The following IFT46 variants were observed in gnomAD, a reference collection of about 807,000 sequenced individuals.
The protein encoded by IFT46 is intraflagellar transport protein 46 homolog.
Under a neutral mutation model 39.6 loss-of-function variants are expected in IFT46, and 19 were observed. That is an observed-to-expected ratio of 0.48 (90% CI 0.33 to 0.70). The LOEUF (loss-of-function observed/expected upper bound fraction) is 0.70. IFT46 is among the 30% of genes least tolerant of loss of function. The probability of loss-of-function intolerance (pLI) is 0.01; values close to 1 mark genes in which losing one functional copy is unlikely to be tolerated. For missense variants in IFT46, 334 were observed against 364.8 expected (o/e 0.92, Z 0.69); for synonymous variants, 117 against 134.8 (o/e 0.87, Z 0.91).
upstream of IFT46, among the ~76,000 whole-genome samples, chr11:118,567,509 G>A (rs1555071710): frequency 6.6e-6 from 1 of 152,116 alleles, no homozygotes; most frequent in Non-Finnish European, 1.5e-5. Context: ...CCGGGAGGTG[G>A]AGGTTGTGGT....
intron 3 of IFT46, chr11:118,557,837 G>A (rs1555069856): frequency 1.5e-5 from 25 of 1,613,998 alleles, no homozygotes; most frequent in Non-Finnish European, 2.0e-5. Context: ...GTGGAACAGG[G>A]TCCATGTCTT....
chr11:118,555,371 G>A, intron 4 of IFT46, 49 bp from the exon 5 acceptor site: 1 of 1,425,160 alleles, frequency 7.0e-7, no homozygotes, highest in Non-Finnish European at 9.9e-7. Context: ...AAGAGCAGAG[G>A]TGGCAGGGTC....
intron 2 of IFT46, among the ~76,000 whole-genome samples, chr11:118,562,620 G>A (rs782288213): frequency 4.6e-5 from 7 of 151,938 alleles, no homozygotes; most frequent in South Asian, 2.1e-4. Context: ...GCATAAACAC[G>A]CTCAAGTCAA....
chr11:118,576,426 T>TAAAAAAAA (rs10671866), upstream of IFT46, among the ~76,000 whole-genome samples: 18 of 108,738 alleles, frequency 1.7e-4, no homozygotes, highest in Non-Finnish European at 2.6e-4. Flanking sequence ...CCAAAAATGT[T>TAAAAAAAA]AAAAAAAAAA....
Position 118,545,853 on chromosome 11 carries a change from C to A in IFT46, c.673G>T (p.Val225Leu). Residue 225 changes from valine (V) to leucine (L), a missense_variant and splice_region_variant, in exon 10 of 12, where the codon GTA becomes TTA. Val to Leu is a conservative substitution (Grantham distance 32). Coordinates refer to ENST00000264021, the MANE Select transcript of IFT46 (RefSeq NM_001168618.2). ...TCAATCTCTGCCGTGGGCAGGCTTA[C>A]CTGGAAGGGGCATGGAAGGACCAAA... The part of the protein sequence containing the change: ...SPEFEELLGK[V>L]SLPTAEIDCS... The A allele has an allele frequency of 6.2e-7, 1 of 1,614,104 alleles. No individual in the cohort carries two copies. Among genetic ancestry groups the A allele is most frequent in the Admixed American group, 1.7e-5 (1 of 60,022 alleles).
intron 2 of IFT46, chr11:118,561,387 A>G (rs1938050369): frequency 1.2e-6 from 1 of 837,124 alleles, no homozygotes. Context: ...GTAACTCCAG[A>G]CATGATGGAA....
At chr11:118,559,263 G>T (rs1937949202) in intron 3 of IFT46, among the ~76,000 whole-genome samples, 1 of 151,990 alleles carries the variant, frequency 6.6e-6, no homozygotes, top group African/African-American at 2.4e-5. Context: ...TCAGAAGCAG[G>T]GTGATTCTCT....
upstream of IFT46, among the ~76,000 whole-genome samples, chr11:118,569,199 A>C (rs2135520187): frequency 6.6e-6 from 1 of 152,032 alleles, no homozygotes; most frequent in South Asian, 2.1e-4. Context: ...GAATCCCTCC[A>C]ACCCAGGAGG....
intron 3 of IFT46, 78 bp downstream of exon 3, chr11:118,559,707 A>T: frequency 9.1e-7 from 1 of 1,093,494 alleles, no homozygotes; most frequent in Non-Finnish European, 1.4e-6. Flanking sequence ...AGAAATGTTT[A>T]CCGTTGAACT....
At chr11:118,558,508 T>C (rs893658970) in intron 3 of IFT46, among the ~76,000 whole-genome samples, 20 of 151,652 alleles carry the variant, frequency 1.3e-4, no homozygotes, top group Non-Finnish European at 1.0e-4. Context: ...GGCAGGAGAA[T>C]TGCTTGAACC....
chr11:118,550,142 G>C (rs940424534), intron 9 of IFT46, among the ~76,000 whole-genome samples: 5 of 151,740 alleles, frequency 3.3e-5, no homozygotes, highest in African/African-American at 1.2e-4. Flanking sequence ...TCGCCATGTT[G>C]GCCAGGCTGG....
upstream of IFT46, among the ~76,000 whole-genome samples, chr11:118,574,624 T>A (rs1186982870): frequency 6.6e-6 from 1 of 152,136 alleles, no homozygotes; most frequent in African/African-American, 2.4e-5. Flanking sequence ...ATAAATTCCC[T>A]TTGGCTTTAG....
upstream of IFT46, among the ~76,000 whole-genome samples, chr11:118,568,268 G>T (rs1188441640): frequency 3.3e-5 from 5 of 152,042 alleles, no homozygotes; most frequent in Non-Finnish European, 7.4e-5. Flanking sequence ...ATTAAAATTG[G>T]GCCAGGTGAA....
chr11:118,550,061 A>T (rs1429462184), intron 9 of IFT46, among the ~76,000 whole-genome samples: 4 of 151,768 alleles, frequency 2.6e-5, no homozygotes, highest in Non-Finnish European at 1.5e-5. Flanking sequence ...CAGCCTCCCA[A>T]GTAGCTGGGA....
chr11:118,546,196 C>T (rs1555067108), intron 9 of IFT46: 1 of 717,682 alleles, frequency 1.4e-6, no homozygotes, highest in Non-Finnish European at 2.6e-6. Context: ...GAAGAGACCC[C>T]TCAGAAGAAA....
At chr11:118,575,241 G>T (rs1680877202), upstream of IFT46, among the ~76,000 whole-genome samples, 1 of 152,168 alleles carries the variant, frequency 6.6e-6, no homozygotes, top group Non-Finnish European at 1.5e-5. Flanking sequence ...GCCTCCCAAA[G>T]TGCTGGGATT....
intron 9 of IFT46, chr11:118,547,177 C>G (rs1951706657): frequency 6.6e-6 from 1 of 152,168 alleles, no homozygotes; most frequent in African/African-American, 2.4e-5. Flanking sequence ...TTTCCAAATT[C>G]TGTGTGTTTA....
chr11:118,551,225 G>A (rs567371421), intron 9 of IFT46, among the ~76,000 whole-genome samples: 2 of 151,504 alleles, frequency 1.3e-5, no homozygotes, highest in African/African-American at 4.8e-5. Context: ...ACAAAAATTA[G>A]CATGGTGGCA....
At chr11:118,561,299 G>A (rs1938047600) in intron 2 of IFT46, 5 of 1,190,626 alleles carry the variant, frequency 4.2e-6, no homozygotes, top group Non-Finnish European at 6.2e-6. Flanking sequence ...CCAGAATGTT[G>A]CAGATTACAT....
Sources: allele counts gnomAD v4.1 joint callset (sites outside exome capture counted in the v4.1 genomes callset), GRCh38; gene constraint gnomAD v4.1.1; transcripts MANE v1.5; gene names NCBI Gene and HGNC (gene_info 2026-07-23, HGNC 2026-07-21).